Variants in GRIA4 observed in about 807,000 individuals in gnomAD.
The protein encoded by GRIA4 is glutamate ionotropic receptor AMPA type subunit 4, also known as glutamate receptor 4.
In GRIA4, 34 loss-of-function variants were observed where a neutral mutation model predicts 104.0. The ratio of observed to expected loss-of-function variants is 0.33; its 90% CI spans 0.25 to 0.44. GRIA4 has a LOEUF of 0.44. GRIA4 is among the 20% of genes least tolerant of loss of function. The pLI is 1.00. For missense variants in GRIA4, 750 were observed against 1,096.5 expected (o/e 0.68, Z 4.46); for synonymous variants, 386 against 381.9 (o/e 1.01, Z -0.13).
intron 14 of GRIA4, among the ~76,000 whole-genome samples, chr11:105,953,049 A>G (rs61900568): frequency 0.013 from 1,977 of 152,328 alleles, 19 homozygotes; most frequent in Non-Finnish European, 0.02. Context: ...GTGCTTGTCT[A>G]CTGGAATGAA....
intron 3 of GRIA4, among the ~76,000 whole-genome samples, chr11:105,625,306 G>GT (rs1246870096): frequency 1.3e-5 from 2 of 152,110 alleles, no homozygotes; most frequent in Non-Finnish European, 2.9e-5. Flanking sequence ...GTTGGAGGAA[G>GT]TAGGGGAGAA....
intron 14 of GRIA4, among the ~76,000 whole-genome samples, chr11:105,949,143 T>A (rs73550974): frequency 1.5e-3 from 225 of 152,312 alleles, no homozygotes; most frequent in African/African-American, 5.2e-3. Context: ...AAGATTATTT[T>A]GTTTATACAG....
intron 5 of GRIA4, among the ~76,000 whole-genome samples, chr11:105,866,606 A>C (rs1408271991): frequency 2.1e-5 from 3 of 140,306 alleles, no homozygotes; most frequent in Non-Finnish European, 3.0e-5. Context: ...GCTCTGCTGA[A>C]GATACAGTGC....
At chr11:105,714,161 G>A (rs1954009052) in intron 3 of GRIA4, among the ~76,000 whole-genome samples, 2 of 151,748 alleles carry the variant, frequency 1.3e-5, no homozygotes, top group South Asian at 4.1e-4. Context: ...TAATGGTTTT[G>A]CTTCTCAAAA....
chr11:105,840,876 G>A (rs1565278518), intron 4 of GRIA4, among the ~76,000 whole-genome samples: 1 of 152,058 alleles, frequency 6.6e-6, no homozygotes, highest in East Asian at 1.9e-4. Context: ...TTAACCAAAA[G>A]GTTTTGACCT....
intron 3 of GRIA4, among the ~76,000 whole-genome samples, chr11:105,688,725 C>T (rs1389454895): frequency 6.6e-6 from 1 of 152,098 alleles, no homozygotes; most frequent in African/African-American, 2.4e-5. Context: ...ATGGTGCGTA[C>T]AATTTACCCA....
intron 3 of GRIA4, among the ~76,000 whole-genome samples, chr11:105,683,030 C>T (rs893047895): frequency 5.3e-5 from 8 of 152,170 alleles, no homozygotes; most frequent in Admixed American, 5.2e-4. Flanking sequence ...ATCCATAACC[C>T]ATTTATAATT....
chr11:105,704,419 AG>A (rs1181764622), intron 3 of GRIA4, among the ~76,000 whole-genome samples: 1 of 152,196 alleles, frequency 6.6e-6, no homozygotes, highest in East Asian at 1.9e-4. Context: ...CCCTATAGAA[AG>A]AAAACTGGCC....
chr11:105,919,026 C>T (rs1467310892), intron 11 of GRIA4, 108 bp downstream of exon 11: 4 of 686,416 alleles, frequency 5.8e-6, no homozygotes, highest in Middle Eastern at 2.9e-4. Flanking sequence ...TTTGCAGCAA[C>T]ATTCCAAGAG....
intron 5 of GRIA4, among the ~76,000 whole-genome samples, chr11:105,879,551 A>G (rs1468526201): frequency 1.3e-5 from 2 of 152,228 alleles, no homozygotes; most frequent in Non-Finnish European, 2.9e-5. Context: ...TTTATTATGC[A>G]TATATGAAGA....
chr11:105,676,816 A>AG (rs397961815), intron 3 of GRIA4, among the ~76,000 whole-genome samples: 1 of 150,938 alleles, frequency 6.6e-6, no homozygotes, highest in African/African-American at 2.4e-5. Context: ...AGCTCTAGAA[A>AG]GGGAAATAGT....
chr11:105,848,511 A>G (rs1342450546), intron 4 of GRIA4, among the ~76,000 whole-genome samples: 1 of 152,186 alleles, frequency 6.6e-6, no homozygotes, highest in Non-Finnish European at 1.5e-5. Flanking sequence ...GTCTCATGCA[A>G]TTACTGGAAT....
chr11:105,638,839 T>C (rs1951280829), intron 3 of GRIA4, among the ~76,000 whole-genome samples: 1 of 152,168 alleles, frequency 6.6e-6, no homozygotes, highest in Admixed American at 6.6e-5. Flanking sequence ...TTCCTTCCTC[T>C]TGCTTTCCCA....
Position 105,922,630 on chromosome 11 carries a change from A to G in GRIA4, c.1477-1769A>G, listed in dbSNP as rs577584265. Among the ~76,000 whole-genome samples the G allele has an allele frequency of 2.0e-5, 3 of 152,290 alleles. No homozygotes were observed. In the East Asian group the frequency reaches 5.8e-4, roughly 29 times the overall value. ...TCATTAAAACTTACTTTTAACTTGT[A>G]TACTGAAATGGAAAAGTGTTCATTA... On this transcript the variant is annotated intron_variant, in intron 11 of 16. Coordinates refer to ENST00000282499, the MANE Select transcript of GRIA4 (RefSeq NM_000829.4).
intron 3 of GRIA4, among the ~76,000 whole-genome samples, chr11:105,653,516 A>T (rs1951742869): frequency 6.6e-6 from 1 of 152,222 alleles, no homozygotes; most frequent in South Asian, 2.1e-4. Flanking sequence ...TAAGAATGGC[A>T]TGCAATTGAA....
At chr11:105,801,023 C>T (rs1423624378) in intron 4 of GRIA4, among the ~76,000 whole-genome samples, 2 of 151,796 alleles carry the variant, frequency 1.3e-5, no homozygotes, top group Non-Finnish European at 2.9e-5. Flanking sequence ...ATAAATCTAA[C>T]TTTCCTAGTA....
chr11:105,883,604 A>T (rs1044581475), intron 5 of GRIA4, among the ~76,000 whole-genome samples: 10 of 151,802 alleles, frequency 6.6e-5, no homozygotes, highest in Admixed American at 2.0e-4. Flanking sequence ...AAGGACACAA[A>T]CTCATCATTT....
chr11:105,851,427 G>A (rs992167396), intron 4 of GRIA4, among the ~76,000 whole-genome samples: 6 of 152,098 alleles, frequency 3.9e-5, no homozygotes, highest in African/African-American at 1.4e-4. Flanking sequence ...GTAGCACATA[G>A]GACTTATTTA....
rs614070 is a variant in GRIA4, at chr11:105,871,285, T to C, written c.672+9077T>C. ...AGTAGGGTTTTTAGAAAAATAAATTTGTTTTGGCAATTTTAATAGTATTGC... is the reference window on the plus strand; with the variant it reads ...AGTAGGGTTTTTAGAAAAATAAATTCGTTTTGGCAATTTTAATAGTATTGC... On this transcript the variant is annotated intron_variant, in intron 5 of 16. Coordinates refer to ENST00000282499, the MANE Select transcript of GRIA4 (RefSeq NM_000829.4). 2.2e-3 allele frequency among the ~76,000 whole-genome samples: 336 copies of C among 152,182 alleles called. 3 individuals carry two copies. Among genetic ancestry groups the C allele is most frequent in the African/African-American group, 7.7e-3 (318 of 41,548 alleles).
Sources: gnomAD v4.1 joint callset for allele counts (sites outside exome capture counted in the v4.1 genomes callset) on GRCh38, gnomAD v4.1.1 for gene constraint, MANE v1.5 for transcripts, NCBI Gene and HGNC (gene_info 2026-07-23, HGNC 2026-07-21) for gene names.